Variants in SLC35D4 observed in about 807,000 individuals in gnomAD.
The protein encoded by SLC35D4 is UDP-N-acetylglucosamine transporter SLC35D4.
the SLC35D4 span, among the ~76,000 whole-genome samples, chr18:23,318,162 T>C: frequency 1.3e-5 from 2 of 152,218 alleles, no homozygotes; most frequent in Admixed American, 6.5e-5. Context: ...CTCACTGTGG[T>C]TTTGGTTTGT....
the SLC35D4 span, among the ~76,000 whole-genome samples, chr18:23,324,027 G>T: frequency 6.8e-6 from 1 of 147,820 alleles, no homozygotes; most frequent in Admixed American, 6.8e-5. Context: ...AGGTTGCAGT[G>T]AACCGAGATC....
chr18:23,373,618 C>T, the SLC35D4 span: 3 of 1,431,990 alleles, frequency 2.1e-6, no homozygotes, highest in Non-Finnish European at 2.9e-6. Flanking sequence ...AGTTATCCTG[C>T]TTCTAAAAGG....
At chr18:23,321,318 T>C in the SLC35D4 span, among the ~76,000 whole-genome samples, 10 of 152,186 alleles carry the variant, frequency 6.6e-5, no homozygotes, top group African/African-American at 2.4e-4. Context: ...GGTACAACAG[T>C]CTACTCTGAA....
the SLC35D4 span, among the ~76,000 whole-genome samples, chr18:23,423,993 A>G: frequency 0.01 from 1,527 of 152,244 alleles, 20 homozygotes; most frequent in African/African-American, 0.036. Flanking sequence ...CAGGCATGGG[A>G]GTGACACGTC....
the SLC35D4 span, among the ~76,000 whole-genome samples, chr18:23,292,193 G>A: frequency 6.6e-6 from 1 of 152,216 alleles, no homozygotes; most frequent in African/African-American, 2.4e-5. Flanking sequence ...CCAGTGAAAA[G>A]AATGGTGTCC....
chr18:23,364,540 AG>A, the SLC35D4 span, among the ~76,000 whole-genome samples: 1 of 152,226 alleles, frequency 6.6e-6, no homozygotes, highest in Non-Finnish European at 1.5e-5. Flanking sequence ...GTGATGGAAT[AG>A]GGTCTTGTGG....
chr18:23,264,914 G>A, the SLC35D4 span, among the ~76,000 whole-genome samples: 1 of 151,904 alleles, frequency 6.6e-6, no homozygotes, highest in South Asian at 2.1e-4. Context: ...CAAATTACCG[G>A]GATTACAAGC....
At chr18:23,336,955 G>T in the SLC35D4 span, among the ~76,000 whole-genome samples, 1 of 152,190 alleles carries the variant, frequency 6.6e-6, no homozygotes, top group East Asian at 1.9e-4. Flanking sequence ...CCTAGTGAGA[G>T]CAAAGTGTGA....
At chr18:23,386,150 A>T in the SLC35D4 span, among the ~76,000 whole-genome samples, 13 of 151,526 alleles carry the variant, frequency 8.6e-5, no homozygotes, top group Non-Finnish European at 1.3e-4. Context: ...AAAAAAAAGA[A>T]AGAAAAATGG....
the SLC35D4 span, among the ~76,000 whole-genome samples, chr18:23,322,303 G>A: frequency 1.3e-5 from 2 of 152,226 alleles, no homozygotes; most frequent in Non-Finnish European, 2.9e-5. Flanking sequence ...AGCCAGGGTT[G>A]AGTGTTTTTG....
At chr18:23,258,433 T>G in the SLC35D4 span, 1 of 152,232 alleles carries the variant, frequency 6.6e-6, no homozygotes, top group Non-Finnish European at 1.5e-5. Flanking sequence ...TTAAGCTGAC[T>G]AAGGAGGCGG....
the SLC35D4 span, among the ~76,000 whole-genome samples, chr18:23,281,867 G>A: frequency 3.0e-4 from 46 of 152,196 alleles, no homozygotes; most frequent in African/African-American, 1.7e-4. Context: ...AAGCAGAGAC[G>A]TCTGTAACAA....
At chr18:23,379,819 G>A in the SLC35D4 span, among the ~76,000 whole-genome samples, 1 of 151,962 alleles carries the variant, frequency 6.6e-6, no homozygotes, top group Admixed American at 6.5e-5. Context: ...CAAAGGGCTA[G>A]GGGTGGTGGC....
At chr18:23,296,238 A>G in the SLC35D4 span, 1 of 152,206 alleles carries the variant, frequency 6.6e-6, no homozygotes, top group African/African-American at 2.4e-5. Context: ...AACTTAAAGT[A>G]TAATAATAAA....
chr18:23,386,299 A>T, the SLC35D4 span, among the ~76,000 whole-genome samples: 3 of 152,114 alleles, frequency 2.0e-5, no homozygotes, highest in Non-Finnish European at 4.4e-5. Context: ...TGGGCCCTAA[A>T]TGCAGTCACA....
At chr18:23,397,862 G>A in the SLC35D4 span, among the ~76,000 whole-genome samples, 1 of 152,148 alleles carries the variant, frequency 6.6e-6, no homozygotes. Context: ...AGATCAGTCT[G>A]GGCAACAGAG....
chr18:23,412,108 T>G, the SLC35D4 span, among the ~76,000 whole-genome samples: 2 of 152,092 alleles, frequency 1.3e-5, no homozygotes, highest in African/African-American at 2.4e-5. Context: ...TCACTTGAGG[T>G]CAGGAGTTCG....
At chr18:23,362,866 T>C in the SLC35D4 span, among the ~76,000 whole-genome samples, 1 of 152,168 alleles carries the variant, frequency 6.6e-6, no homozygotes, top group South Asian at 2.1e-4. Context: ...CAAGATTCCT[T>C]CCAGCTCTGA....
At chr18:23,361,213 T>C in the SLC35D4 span, among the ~76,000 whole-genome samples, 1 of 151,284 alleles carries the variant, frequency 6.6e-6, no homozygotes. Flanking sequence ...TATGAACAGA[T>C]TCTTCCAAGA....
Sources: allele counts gnomAD v4.1 joint callset (sites outside exome capture counted in the v4.1 genomes callset), GRCh38; gene constraint gnomAD v4.1.1; transcripts MANE v1.5; gene names NCBI Gene and HGNC (gene_info 2026-07-23, HGNC 2026-07-21).